ROBO2: variants seen among roughly 807,000 people sequenced by gnomAD.
The protein encoded by ROBO2 is roundabout homolog 2.
In ROBO2, 53 loss-of-function variants were observed where a neutral mutation model predicts 160.8. That is an observed-to-expected ratio of 0.33 (90% CI 0.26 to 0.41). ROBO2 has a LOEUF of 0.41. ROBO2 is among the 10% of genes least tolerant of loss of function. The pLI, the probability that ROBO2 is intolerant of heterozygous loss-of-function variation, is 1.00. For missense variants in ROBO2, 1,577 were observed against 1,722.4 expected (o/e 0.92, Z 1.49); for synonymous variants, 664 against 611.7 (o/e 1.09, Z -1.26).
intron 21 of ROBO2, among the ~76,000 whole-genome samples, chr3:77,612,419 A>G (rs1419276552): frequency 6.6e-6 from 1 of 152,208 alleles, no homozygotes; most frequent in Non-Finnish European, 1.5e-5. Flanking sequence ...TAGAGATAAC[A>G]GACCATTCTT....
chr3:76,987,112 C>T (rs1053448257), intron 2 of ROBO2, among the ~76,000 whole-genome samples: 3 of 152,288 alleles, frequency 2.0e-5, no homozygotes, highest in East Asian at 1.9e-4. Flanking sequence ...TGATACGCCA[C>T]GCCACCACTA....
At chr3:76,259,533 C>T (rs967747462) in intron 2 of ROBO2, among the ~76,000 whole-genome samples, 1 of 152,082 alleles carries the variant, frequency 6.6e-6, no homozygotes, top group African/African-American at 2.4e-5. Flanking sequence ...GCCCTGGTGA[C>T]AATTGCTATA....
At chr3:77,395,918 C>T (rs2075235846) in intron 2 of ROBO2, among the ~76,000 whole-genome samples, 1 of 151,756 alleles carries the variant, frequency 6.6e-6, no homozygotes, top group African/African-American at 2.4e-5. Flanking sequence ...TTCAGACCTG[C>T]CCCCCTTTTT....
chr3:76,976,187 A>G (rs749752994), intron 2 of ROBO2, among the ~76,000 whole-genome samples: 1 of 152,208 alleles, frequency 6.6e-6, no homozygotes, highest in Non-Finnish European at 1.5e-5. Context: ...GAACTAGGCA[A>G]TTTTATAGAT....
chr3:77,113,001 T>C lies in ROBO2; in HGVS notation c.388+14661T>C, dbSNP rs142865863. 3.9e-3 allele frequency among the ~76,000 whole-genome samples: 597 copies of C among 152,356 alleles called. 7 individuals carry two copies. The highest frequency in any genetic ancestry group is 0.014 in the Middle Eastern group (4 of 294). ...TGCAGAATAATTCTCAGCACTTTCC[T>C]ATACACAAGGAATTCAATAAAGTAG... On this transcript the variant is annotated intron_variant, in intron 2 of 25. Transcript: ENST00000461745.
At chr3:76,294,010 G>A (rs1425944643) in intron 2 of ROBO2, among the ~76,000 whole-genome samples, 1 of 152,146 alleles carries the variant, frequency 6.6e-6, no homozygotes, top group Admixed American at 6.5e-5. Flanking sequence ...ATGTTCATCG[G>A]CACCCAAAGT....
chr3:76,218,247 T>C (rs1703699795), intron 2 of ROBO2, among the ~76,000 whole-genome samples: 1 of 152,126 alleles, frequency 6.6e-6, no homozygotes, highest in Non-Finnish European at 1.5e-5. Context: ...CTTTAAAAAC[T>C]GGCACAAGAC....
At chr3:76,033,118 G>C (rs924138424) in intron 2 of ROBO2, among the ~76,000 whole-genome samples, 1 of 151,926 alleles carries the variant, frequency 6.6e-6, no homozygotes, top group Non-Finnish European at 1.5e-5. Context: ...AAAAAATGGG[G>C]AGAAATGTTA....
chr3:76,724,967 A>C (rs1381965773), intron 2 of ROBO2, among the ~76,000 whole-genome samples: 1 of 152,164 alleles, frequency 6.6e-6, no homozygotes, highest in Non-Finnish European at 1.5e-5. Context: ...AGCAGCCATC[A>C]GAAGCTATAA....
At chr3:77,032,208 T>C (rs1559870991) in intron 2 of ROBO2, among the ~76,000 whole-genome samples, 1 of 152,032 alleles carries the variant, frequency 6.6e-6, no homozygotes, top group Non-Finnish European at 1.5e-5. Context: ...GAAGTGACAA[T>C]GAAAAAAATG....
intron 2 of ROBO2, among the ~76,000 whole-genome samples, chr3:76,979,791 C>A (rs536717048): frequency 6.6e-6 from 1 of 151,892 alleles, no homozygotes; most frequent in African/African-American, 2.4e-5. Context: ...ATCTTAGTTT[C>A]CCTATGCATT....
At chr3:77,100,695 C>T (rs2071793183) in intron 2 of ROBO2, among the ~76,000 whole-genome samples, 7 of 152,086 alleles carry the variant, frequency 4.6e-5, no homozygotes, top group Admixed American at 4.6e-4. Context: ...TCTCAAAGAG[C>T]TCACATTCTA....
At chr3:76,674,617 C>CACACACAT in intron 2 of ROBO2, among the ~76,000 whole-genome samples, 1 of 152,014 alleles carries the variant, frequency 6.6e-6, no homozygotes, top group East Asian at 1.9e-4. Context: ...CACACACACA[C>CACACACAT]ACACACACAC....
intron 21 of ROBO2, among the ~76,000 whole-genome samples, chr3:77,612,956 A>C (rs1256893301): frequency 2.0e-5 from 3 of 152,192 alleles, no homozygotes; most frequent in Non-Finnish European, 2.9e-5. Context: ...CCGTCTCAAA[A>C]AAAAAGAAAA....
At chr3:77,585,905 G>T (rs577994484) in intron 16 of ROBO2, among the ~76,000 whole-genome samples, 1 of 152,112 alleles carries the variant, frequency 6.6e-6, no homozygotes. Flanking sequence ...GACTCAAACT[G>T]TATCACATTT....
chr3:76,167,933 G>C (rs903168443), intron 2 of ROBO2, among the ~76,000 whole-genome samples: 1 of 152,134 alleles, frequency 6.6e-6, no homozygotes, highest in Non-Finnish European at 1.5e-5. Flanking sequence ...CTGGGAGTCC[G>C]TTAACAGAGG....
At chr3:76,440,952 T>C (rs1289096007) in intron 2 of ROBO2, among the ~76,000 whole-genome samples, 1 of 152,226 alleles carries the variant, frequency 6.6e-6, no homozygotes, top group South Asian at 2.1e-4. Context: ...CTAGCCTAAC[T>C]CCCAGCACAT....
At chr3:76,610,340 G>T (rs914892712) in intron 2 of ROBO2, among the ~76,000 whole-genome samples, 1 of 152,138 alleles carries the variant, frequency 6.6e-6, no homozygotes, top group Middle Eastern at 3.2e-3. Context: ...AGCCAGGCAG[G>T]CCTCTCTTGG....
chr3:76,216,819 A>G (rs1559650655), intron 2 of ROBO2, among the ~76,000 whole-genome samples: 1 of 152,252 alleles, frequency 6.6e-6, no homozygotes, highest in Non-Finnish European at 1.5e-5. Flanking sequence ...CCTAATAGAC[A>G]TCTACAGAAC....
Sources: allele counts gnomAD v4.1 joint callset (sites outside exome capture counted in the v4.1 genomes callset), GRCh38; gene constraint gnomAD v4.1.1; transcripts MANE v1.5; gene names NCBI Gene and HGNC (gene_info 2026-07-23, HGNC 2026-07-21).